SLC25A12: variants seen among roughly 807,000 people sequenced by gnomAD.
SLC25A12 encodes the protein solute carrier family 25 member 12, also known as electrogenic aspartate/glutamate antiporter SLC25A12, mitochondrial.
In SLC25A12, 32 loss-of-function variants were observed where a neutral mutation model predicts 83.3. The observed-to-expected ratio is 0.38, with a 90% CI of 0.29 to 0.52. The LOEUF is 0.52. Among genes scored for constraint, SLC25A12 ranks in the 20% least tolerant of loss-of-function variants. SLC25A12 has a pLI of 0.84. For synonymous variants in SLC25A12, 267 were observed against 291.1 expected, an observed-to-expected ratio of 0.92 and a Z score of 0.84; for missense variants, 611 against 835.6, an observed-to-expected ratio of 0.73 and a Z score of 3.31.
intron 2 of SLC25A12, among the ~76,000 whole-genome samples, chr2:171,874,972 C>CGTGG (rs1685533404): frequency 6.6e-6 from 1 of 152,178 alleles, no homozygotes; most frequent in African/African-American, 2.4e-5. Context: ...CTTTTCTCCA[C>CGTGG]GGCAGATGGG....
chr2:171,828,803 TGCTAGAAGACAAG>T (rs1684367584), intron 8 of SLC25A12, among the ~76,000 whole-genome samples: 1 of 152,208 alleles, frequency 6.6e-6, no homozygotes, highest in Admixed American at 6.5e-5. Flanking sequence ...ATTATATGGA[TGCTAGAAGACAAG>T]GCCTTCATCC....
chr2:171,888,774 A>C (rs1685875697), intron 2 of SLC25A12, among the ~76,000 whole-genome samples: 1 of 152,160 alleles, frequency 6.6e-6, no homozygotes. Flanking sequence ...CTTTTGACCC[A>C]TGGCTCAAAA....
intron 15 of SLC25A12, among the ~76,000 whole-genome samples, chr2:171,791,029 G>A (rs1308039854): frequency 2.0e-5 from 3 of 152,154 alleles, no homozygotes; most frequent in Admixed American, 2.0e-4. Context: ...AAATCATGTA[G>A]ATTCCAATAT....
At chr2:171,883,299 G>A (rs1411607546) in intron 2 of SLC25A12, among the ~76,000 whole-genome samples, 3 of 152,306 alleles carry the variant, frequency 2.0e-5, no homozygotes, top group Middle Eastern at 6.8e-3. Flanking sequence ...ACATCCCTAT[G>A]TGCTAGGTGT....
chr2:171,785,701 A>G (rs1466676178), intron 17 of SLC25A12, among the ~76,000 whole-genome samples: 2 of 152,356 alleles, frequency 1.3e-5, no homozygotes, highest in East Asian at 3.8e-4. Context: ...CTTATTTCCA[A>G]TGCTTGCATA....
At chr2:171,793,805 C>G in intron 13 of SLC25A12, 38 bp from the exon 14 acceptor site, 1 of 1,613,602 alleles carries the variant, frequency 6.2e-7, no homozygotes, top group Non-Finnish European at 8.5e-7. Context: ...GATTCCACAT[C>G]AGAGCCCGAC....
At chr2:171,862,586 G>C (rs766092744) in intron 3 of SLC25A12, among the ~76,000 whole-genome samples, 33 of 152,126 alleles carry the variant, frequency 2.2e-4, no homozygotes, top group Non-Finnish European at 4.1e-4. Flanking sequence ...GAAAACATGG[G>C]GGAAGGATTG....
At chr2:171,865,137 A>G (rs1685259070) in intron 3 of SLC25A12, among the ~76,000 whole-genome samples, 1 of 152,150 alleles carries the variant, frequency 6.6e-6, no homozygotes, top group Non-Finnish European at 1.5e-5. Context: ...AGCACCAAGA[A>G]CAGTACCTGA....
intron 15 of SLC25A12, 79 bp downstream of exon 15, chr2:171,791,372 A>C: frequency 8.3e-7 from 1 of 1,209,360 alleles, no homozygotes; most frequent in Non-Finnish European, 1.2e-6. Context: ...TCCAGAAATA[A>C]AGGGGGAAAG....
rs542370228 is a variant in SLC25A12, at chr2:171,868,937, T to C, written c.67-114A>G. On this transcript the variant is annotated intron_variant, in intron 2 of 17. Transcript: ENST00000422440. ...GCCAGTATTAAAATCAAAATAAAGA[T>C]AATAAATGCAGAATTTTTCTCTGGA... The C allele has an allele frequency of 1.3e-5, 12 of 943,872 alleles. 1 individual carries two copies. The African/African-American group carries it at 1.6e-4, about 13-fold the overall frequency. 58.5% of individuals were successfully genotyped at this position (943,872 alleles called of 1,614,324 possible).
At chr2:171,881,729 A>G (rs1414974985) in intron 2 of SLC25A12, among the ~76,000 whole-genome samples, 1 of 152,198 alleles carries the variant, frequency 6.6e-6, no homozygotes, top group Non-Finnish European at 1.5e-5. Flanking sequence ...GGGATACCTT[A>G]TTCATCCTCA....
chr2:171,791,534 A>G lies in SLC25A12; in HGVS notation c.1502T>C (p.Val501Ala), dbSNP rs772048231. The change falls in exon 15 of 18, where the codon GTT (valine) becomes GCT (alanine). Residue 501 changes from valine (V) to alanine (A), a missense_variant. Coordinates refer to ENST00000422440, the MANE Select transcript of SLC25A12 (RefSeq NM_003705.5). ...DIPFSAIYFPVYAHCKLLLAD... is the reference protein window; with the variant it reads ...DIPFSAIYFPAYAHCKLLLAD... ...CAGAAGTAGTTTGCAATGAGCATAAACAGGAAAATAGATTGCAGAGAAGGG... is the reference window on the plus strand; with the variant it reads ...CAGAAGTAGTTTGCAATGAGCATAAGCAGGAAAATAGATTGCAGAGAAGGG... 11 of 1,613,622 alleles carry G rather than the reference A, an allele frequency of 6.8e-6. No individual in the cohort carries two copies. The highest frequency in any genetic ancestry group is 1.1e-5 in the South Asian group (1 of 91,070).
At chr2:171,870,769 A>C (rs541748118) in intron 2 of SLC25A12, among the ~76,000 whole-genome samples, 1 of 152,254 alleles carries the variant, frequency 6.6e-6, no homozygotes, top group African/African-American at 2.4e-5. Context: ...TGAAATAGCT[A>C]AAAGAGTTAC....
intron 3 of SLC25A12, chr2:171,856,683 T>C (rs936078635): frequency 2.6e-5 from 4 of 152,174 alleles, no homozygotes; most frequent in African/African-American, 9.6e-5. Context: ...GGAATCTCAA[T>C]CTTAAAAGAC....
At chr2:171,858,883 G>T (rs538817580) in intron 3 of SLC25A12, among the ~76,000 whole-genome samples, 1 of 152,220 alleles carries the variant, frequency 6.6e-6, no homozygotes, top group South Asian at 2.1e-4. Flanking sequence ...GTAGCCCTTT[G>T]TTTAAAATAG....
chr2:171,881,147 TTTGTTG>T (rs199795106), intron 2 of SLC25A12, among the ~76,000 whole-genome samples: 8 of 151,970 alleles, frequency 5.3e-5, no homozygotes, highest in African/African-American at 1.7e-4. Context: ...ATTTTCTTTT[TTTGTTG>T]TTGTTGTTGT....
intron 7 of SLC25A12, chr2:171,834,437 C>T: frequency 2.1e-6 from 1 of 473,494 alleles, no homozygotes. Flanking sequence ...GCTCATCTTT[C>T]TGTGGCAACT....
intron 2 of SLC25A12, among the ~76,000 whole-genome samples, chr2:171,878,575 T>C (rs1223661042): frequency 1.3e-5 from 2 of 152,206 alleles, no homozygotes. Flanking sequence ...AGATCGGTCC[T>C]GACTGGTCTA....
chr2:171,876,000 G>C (rs139290482), intron 2 of SLC25A12, among the ~76,000 whole-genome samples: 1 of 150,892 alleles, frequency 6.6e-6, no homozygotes, highest in Non-Finnish European at 1.5e-5. Context: ...ATATGGAATC[G>C]CCAAGATGTC....
Sources: gnomAD v4.1 joint callset for allele counts (sites outside exome capture counted in the v4.1 genomes callset) on GRCh38, gnomAD v4.1.1 for gene constraint, MANE v1.5 for transcripts, NCBI Gene and HGNC (gene_info 2026-07-23, HGNC 2026-07-21) for gene names.